The following CUX1 variants were observed in gnomAD, a reference collection of about 807,000 sequenced individuals.
The protein encoded by CUX1 is cut like homeobox 1, also known as protein CASP.
A neutral mutation model predicts 158.8 loss-of-function variants in CUX1; 31 were observed. The ratio of observed to expected loss-of-function variants is 0.20; its 90% CI spans 0.15 to 0.26. CUX1 has a LOEUF of 0.26. Ranked by LOEUF, CUX1 falls within the 10% of genes least tolerant of loss-of-function variation. The pLI, the probability that CUX1 is intolerant of heterozygous loss-of-function variation, is 1.00. For missense variants in CUX1, 1,589 were observed against 2,014.6 expected (o/e 0.79, Z 4.04); for synonymous variants, 879 against 862.1 (o/e 1.02, Z -0.34).
chr7:102,206,235 C>T (rs1303788782), intron 20 of CUX1, among the ~76,000 whole-genome samples: 3 of 152,120 alleles, frequency 2.0e-5, no homozygotes, highest in Non-Finnish European at 4.4e-5. Context: ...GCGTGTTTTC[C>T]GTGTTCTGAT....
chr7:102,185,049 T>G (rs1554514891), intron 11 of CUX1, among the ~76,000 whole-genome samples: 1 of 152,230 alleles, frequency 6.6e-6, no homozygotes, highest in East Asian at 1.9e-4. Flanking sequence ...AGGGCACATG[T>G]GCTCTTTCTC....
chr7:101,884,390 T>C (rs917075804), intron 1 of CUX1, among the ~76,000 whole-genome samples: 1 of 152,218 alleles, frequency 6.6e-6, no homozygotes, highest in Non-Finnish European at 1.5e-5. Context: ...CATAATTAGA[T>C]AACGTGTTTT....
rs759613088 is a variant in CUX1 at position 101,905,142 on chromosome 7, C to T, written c.31-10973C>T. ...TGGGGGGCTCAGAACCTCTCTCCCT[C>T]GTTTTGTAGTAGCCAGACATTGTCT... On this transcript the variant is annotated intron_variant, in intron 1 of 23. Transcript: ENST00000292535. 4.1e-4 allele frequency among the ~76,000 whole-genome samples: 63 copies of T among 152,088 alleles called. 1 individual carries two copies. Among genetic ancestry groups the T allele is most frequent in the Non-Finnish European group, 1.6e-4 (11 of 68,004 alleles).
intron 4 of CUX1, among the ~76,000 whole-genome samples, chr7:102,078,899 C>T (rs1554477523): frequency 1.3e-5 from 2 of 152,156 alleles, no homozygotes; most frequent in East Asian, 3.8e-4. Flanking sequence ...ACCATCTCTC[C>T]TGGTGACTAT....
chr7:101,896,372 G>A lies in CUX1; in HGVS notation c.31-19743G>A, dbSNP rs113947335. Among the ~76,000 whole-genome samples, 14 of 152,292 alleles carry A rather than the reference G, an allele frequency of 9.2e-5. No homozygotes were observed. The East Asian group carries it at 1.7e-3, about 19-fold the overall frequency. ...CACAGTAAGCGTCGAATCGGTGTGC[G>A]TTTGCAGAAACGTGAATGGGTGAAT... is the stretch of plus-strand genomic sequence containing the variant. On this transcript the variant is annotated intron_variant, in intron 1 of 23. Transcript: ENST00000292535.
intron 3 of CUX1, among the ~76,000 whole-genome samples, chr7:102,061,267 C>G (rs1455974194): frequency 6.6e-6 from 1 of 152,078 alleles, no homozygotes; most frequent in Non-Finnish European, 1.5e-5. Flanking sequence ...GGTCACCCAG[C>G]CAGTGTGTGC....
chr7:102,174,148 C>T (rs1174680051), intron 10 of CUX1, among the ~76,000 whole-genome samples: 2 of 152,018 alleles, frequency 1.3e-5, no homozygotes, highest in Non-Finnish European at 2.9e-5. Flanking sequence ...GAGATGTAGC[C>T]CCGCTCTGTC....
intron 2 of CUX1, among the ~76,000 whole-genome samples, chr7:101,935,204 T>C (rs1472015164): frequency 2.0e-5 from 3 of 152,132 alleles, no homozygotes; most frequent in Non-Finnish European, 4.4e-5. Flanking sequence ...TCATCCTGGC[T>C]CAAAAGCTCC....
chr7:102,195,660 C>A, intron 14 of CUX1, 57 bp downstream of exon 14: 1 of 1,465,642 alleles, frequency 6.8e-7, no homozygotes, highest in South Asian at 1.2e-5. Flanking sequence ...AGGGGTCGGT[C>A]GAGGACGAGG....
intron 1 of CUX1, among the ~76,000 whole-genome samples, chr7:101,832,767 C>T (rs1794197201): frequency 1.3e-5 from 2 of 152,164 alleles, no homozygotes; most frequent in South Asian, 4.1e-4. Flanking sequence ...TGCTGGGGGG[C>T]TCCTGTCTGC....
At chr7:102,019,076 G>A (rs116984537) in intron 2 of CUX1, among the ~76,000 whole-genome samples, 6,626 of 152,174 alleles carry the variant, frequency 0.044, 205 homozygotes, top group Middle Eastern at 0.075. Context: ...GCCAGATCAC[G>A]GCCTCTGTGC....
At chr7:102,217,406 G>T (rs888300784) in intron 20 of CUX1, among the ~76,000 whole-genome samples, 1 of 152,370 alleles carries the variant, frequency 6.6e-6, no homozygotes, top group South Asian at 2.1e-4. Context: ...CTGGTTCTGC[G>T]CAGGTTCCCG....
At chr7:102,247,027 G>A (rs1476835887) in intron 23 of CUX1, among the ~76,000 whole-genome samples, 3 of 152,110 alleles carry the variant, frequency 2.0e-5, no homozygotes, top group Admixed American at 1.3e-4. Context: ...ATGAGATCCT[G>A]TCTCTACAAT....
Position 102,231,782 on chromosome 7 carries a change from C to T in CUX1, c.3434-2270C>T, listed in dbSNP as rs1362850648. On this transcript the variant is annotated intron_variant, in intron 21 of 23. Transcript: ENST00000292535. ...AGGCTGGAGTGCAGTGGCACGATCT[C>T]GGCTCACTGCAAGCTCCGCCTCCCG... 4.7e-5 allele frequency among the ~76,000 whole-genome samples: 7 copies of T among 148,834 alleles called. No homozygotes were observed. In the East Asian group the frequency reaches 5.9e-4, roughly 13 times the overall value.
rs782043249 is a variant in CUX1 at position 102,239,609 on chromosome 7, C to A, written c.3887+25C>A. 35 of 1,599,716 alleles carry A rather than the reference C, an allele frequency of 2.2e-5. 1 individual carries two copies. The South Asian group carries it at 3.9e-4, about 18-fold the overall frequency. On this transcript the variant is annotated intron_variant, in intron 23 of 23. Transcript: ENST00000292535. ...GGTACGACGGCTGGCTCACAGGGAG[C>A]GCCGGTCGGCCCAGGGGAAGGGGCT...
intron 21 of CUX1, among the ~76,000 whole-genome samples, chr7:102,228,457 G>A (rs1052317773): frequency 3.9e-5 from 6 of 152,030 alleles, no homozygotes; most frequent in Non-Finnish European, 8.8e-5. Flanking sequence ...CCAAGAGTTC[G>A]AGACCAGCCT....
At chr7:101,861,316 C>T (rs956901450) in intron 1 of CUX1, among the ~76,000 whole-genome samples, 3 of 152,140 alleles carry the variant, frequency 2.0e-5, no homozygotes, top group Non-Finnish European at 4.4e-5. Flanking sequence ...GGCGTCTCTG[C>T]GTAATAGTTG....
At chr7:101,886,176 T>C (rs1432437604) in intron 1 of CUX1, among the ~76,000 whole-genome samples, 1 of 152,114 alleles carries the variant, frequency 6.6e-6, no homozygotes, top group East Asian at 1.9e-4. Context: ...CCCTACAGGG[T>C]CTGCCTTCCA....
intron 4 of CUX1, among the ~76,000 whole-genome samples, chr7:102,082,352 C>A (rs1563217732): frequency 6.8e-6 from 1 of 146,404 alleles, no homozygotes. Flanking sequence ...CATGGTGAAA[C>A]CCCGTCTCTA....
Sources: allele counts gnomAD v4.1 joint callset (sites outside exome capture counted in the v4.1 genomes callset), GRCh38; gene constraint gnomAD v4.1.1; transcripts MANE v1.5; gene names NCBI Gene and HGNC (gene_info 2026-07-23, HGNC 2026-07-21).